ADAM17: variants seen among roughly 807,000 people sequenced by gnomAD.
The protein encoded by ADAM17 is ADAM metallopeptidase domain 17.
A neutral mutation model predicts 96.7 loss-of-function variants in ADAM17; 39 were observed. The observed-to-expected ratio is 0.40, with a 90% CI of 0.31 to 0.53. ADAM17 has a LOEUF of 0.53. Ranked by LOEUF, ADAM17 falls within the 20% of genes least tolerant of loss-of-function variation. The probability of loss-of-function intolerance (pLI) is 0.44; values close to 1 mark genes in which losing one functional copy is unlikely to be tolerated. For synonymous variants in ADAM17, 344 were observed against 359.2 expected, an observed-to-expected ratio of 0.96 and a Z score of 0.48; for missense variants, 777 against 1,013.2, an observed-to-expected ratio of 0.77 and a Z score of 3.17.
chr2:9,537,687 G>T (rs1435108014), intron 2 of ADAM17, among the ~76,000 whole-genome samples: 1 of 151,690 alleles, frequency 6.6e-6, no homozygotes, highest in Admixed American at 6.6e-5. Flanking sequence ...AGCCGAGATC[G>T]CCAGCCTGGT....
chr2:9,543,698 A>G (rs902953458), intron 1 of ADAM17, among the ~76,000 whole-genome samples: 22 of 152,184 alleles, frequency 1.4e-4, no homozygotes, highest in Non-Finnish European at 2.8e-4. Context: ...ACTCTTACTC[A>G]TGTGTGGAAG....
In ADAM17 at chr2:9,509,975, A is replaced by C; in HGVS notation, c.1344+4T>G. The C allele has an allele frequency of 6.2e-7, 1 of 1,613,756 alleles. No individual in the cohort carries two copies. Among genetic ancestry groups the C allele is most frequent in the Non-Finnish European group, 8.5e-7 (1 of 1,179,868 alleles). On this transcript the variant is annotated splice_donor_region_variant and intron_variant, in intron 11 of 18. Coordinates refer to ENST00000310823, the MANE Select transcript of ADAM17 (RefSeq NM_003183.6). ...CACATAAAAAATTCTCGACACACAC[A>C]TACCTTATTGTTCTCGTGATCGCCA...
chr2:9,538,556 T>G (rs1665081780), intron 2 of ADAM17, among the ~76,000 whole-genome samples: 1 of 152,238 alleles, frequency 6.6e-6, no homozygotes, highest in Non-Finnish European at 1.5e-5. Flanking sequence ...AAAAGCATAC[T>G]TATTATAAAT....
chr2:9,543,557 G>A (rs1055640903), intron 1 of ADAM17, among the ~76,000 whole-genome samples: 1 of 152,288 alleles, frequency 6.6e-6, no homozygotes, highest in Non-Finnish European at 1.5e-5. Context: ...AACTATCACT[G>A]CAGACACTAT....
chr2:9,501,301 G>C (rs1374317821), intron 13 of ADAM17, among the ~76,000 whole-genome samples: 1 of 152,116 alleles, frequency 6.6e-6, no homozygotes, highest in Non-Finnish European at 1.5e-5. Flanking sequence ...CATGCTAATA[G>C]GACAGCAGGG....
chr2:9,550,567 T>G (rs1665557551), intron 1 of ADAM17, among the ~76,000 whole-genome samples: 1 of 148,296 alleles, frequency 6.7e-6, no homozygotes, highest in African/African-American at 2.5e-5. Flanking sequence ...TGCCTCAGTC[T>G]CCCCAGTAGC....
chr2:9,489,290 G>C lies in ADAM17; in HGVS notation c.*887C>G, dbSNP rs1243364152. On this transcript the variant is annotated 3_prime_UTR_variant, in exon 19 of 19. Coordinates refer to ENST00000310823, the MANE Select transcript of ADAM17 (RefSeq NM_003183.6). ...TTTTTTTTTTTTTTTTTTTGAGGCA[G>C]AGTCTCACTCTGTCACCCAGGCTGG... 1 of 115,742 alleles carries C rather than the reference G, an allele frequency of 8.6e-6. No homozygotes were observed. The highest frequency in any genetic ancestry group is 8.7e-5 in the Admixed American group (1 of 11,558). The allele number at this position is 115,742 out of a possible 1,614,324, so 7.2% of individuals were successfully genotyped here.
intron 2 of ADAM17, 71 bp downstream of exon 2, chr2:9,543,082 C>T (rs1665272709): frequency 7.0e-7 from 1 of 1,424,786 alleles, no homozygotes; most frequent in Non-Finnish European, 9.4e-7. Context: ...CAGTAGATAC[C>T]CTTACTTTTT....
chr2:9,490,234 A>G lies in ADAM17; in HGVS notation c.2418T>C (p.Ala806=). The stretch of plus-strand genomic sequence containing the variant: ...TCTGACGCTGCAGTTTAAAGGAGGC[A>G]GCCTTTTCACTTCTGGTGACCGGAT... ...TDHPVTRSEK[A]ASFKLQRQNR... Residue 806 remains alanine (A), a synonymous_variant, in exon 19 of 19, where the codon GCT becomes GCC. Transcript: ENST00000310823. 6.2e-7 allele frequency: 1 copy of G among 1,609,176 alleles called. No homozygotes were observed. Among genetic ancestry groups the G allele is most frequent in the Non-Finnish European group, 8.5e-7 (1 of 1,175,702 alleles).
At position 9,488,925 on chromosome 2, in the gene ADAM17, TG is replaced by T. The variant is rs1661827512; in HGVS notation, c.*1251del. 6.6e-6 allele frequency: 1 copy of T among 152,214 alleles called. No individual in the cohort carries two copies. The highest frequency in any genetic ancestry group is 2.1e-4 in the South Asian group (1 of 4,832). The allele number at this position is 152,214 out of a possible 1,614,324, so 9.4% of individuals were successfully genotyped here. A position where few individuals can be genotyped will look rare whatever the true frequency, so the allele number is the denominator to read the frequency against. ...TTCTTAGGGGAAAAAAAGCTTTTAATGGCAATTTATAGAAATCAGAATCCAG... is the reference window on the plus strand; with the variant it reads ...TTCTTAGGGGAAAAAAAGCTTTTAATGCAATTTATAGAAATCAGAATCCAG... On this transcript the variant is annotated 3_prime_UTR_variant, in exon 19 of 19. Transcript: ENST00000310823.
chr2:9,509,126 C>A (rs1353535484), intron 11 of ADAM17, among the ~76,000 whole-genome samples: 1 of 152,154 alleles, frequency 6.6e-6, no homozygotes, highest in East Asian at 1.9e-4. Flanking sequence ...TGCACATTAG[C>A]CCACAGCCAA....
At chr2:9,548,085 A>AG (rs1191299854) in intron 1 of ADAM17, among the ~76,000 whole-genome samples, 5 of 151,488 alleles carry the variant, frequency 3.3e-5, no homozygotes, top group Non-Finnish European at 7.4e-5. Context: ...AAAAAAAAAA[A>AG]AGAGAGAGAA....
chr2:9,526,071 A>ATT, intron 6 of ADAM17, 40 bp downstream of exon 6: 3 of 1,531,700 alleles, frequency 2.0e-6, no homozygotes, highest in South Asian at 1.3e-5. Flanking sequence ...ACCCACCCAA[A>ATT]TTTTTTTTTC....
chr2:9,518,862 G>A (rs753607372), intron 8 of ADAM17, among the ~76,000 whole-genome samples: 4 of 148,240 alleles, frequency 2.7e-5, no homozygotes, highest in Non-Finnish European at 5.9e-5. Context: ...TACCATAACC[G>A]TCCAGCGTCT....
chr2:9,516,425 T>C (rs1268175352), intron 10 of ADAM17, among the ~76,000 whole-genome samples: 4 of 152,154 alleles, frequency 2.6e-5, no homozygotes, highest in Non-Finnish European at 5.9e-5. Flanking sequence ...TTTTCTCAGA[T>C]GTGTCTTTTG....
chr2:9,521,485 G>C, intron 7 of ADAM17, 169 bp from the exon 8 acceptor site: 1 of 392,750 alleles, frequency 2.5e-6, no homozygotes, highest in Non-Finnish European at 4.7e-6. Flanking sequence ...GAAACAAACA[G>C]AGAAGCATAT....
intron 8 of ADAM17, among the ~76,000 whole-genome samples, chr2:9,519,531 C>A (rs1349561786): frequency 6.6e-6 from 1 of 152,146 alleles, no homozygotes; most frequent in Admixed American, 6.6e-5. Context: ...GTCATTTAAT[C>A]TTCCTGCTAC....
chr2:9,511,375 A>G (rs1424229337), intron 10 of ADAM17, among the ~76,000 whole-genome samples: 1 of 152,062 alleles, frequency 6.6e-6, no homozygotes, highest in Non-Finnish European at 1.5e-5. Context: ...ACTTGAACCC[A>G]GGAGGCGGAG....
At chr2:9,540,298 T>C (rs1665156023) in intron 2 of ADAM17, among the ~76,000 whole-genome samples, 1 of 152,190 alleles carries the variant, frequency 6.6e-6, no homozygotes, top group Non-Finnish European at 1.5e-5. Flanking sequence ...ATAACACAAG[T>C]TTTGGAGTCC....
Sources: gnomAD v4.1 joint callset for allele counts (sites outside exome capture counted in the v4.1 genomes callset) on GRCh38, gnomAD v4.1.1 for gene constraint, MANE v1.5 for transcripts, NCBI Gene and HGNC (gene_info 2026-07-23, HGNC 2026-07-21) for gene names.